The following CTNNA3 variants were observed in gnomAD, a reference collection of about 807,000 sequenced individuals.
The protein encoded by CTNNA3 is catenin alpha-3.
In CTNNA3, 76 loss-of-function variants were observed where a neutral mutation model predicts 95.7. The observed-to-expected ratio is 0.79, with a 90% confidence interval of 0.66 to 0.96. The LOEUF is 0.96. Among genes scored for constraint, CTNNA3 ranks in the 40% least tolerant of loss-of-function variants. The pLI, the probability that CTNNA3 is intolerant of heterozygous loss-of-function variation, is 0.00. For missense variants in CTNNA3, 1,191 were observed against 1,089.8 expected, an observed-to-expected ratio of 1.09 and a Z score of -1.31; for synonymous variants, 431 against 374.4, an observed-to-expected ratio of 1.15 and a Z score of -1.74.
intron 7 of CTNNA3, among the ~76,000 whole-genome samples, chr10:67,062,260 A>T (rs1855801696): frequency 6.6e-6 from 1 of 152,192 alleles, no homozygotes; most frequent in Admixed American, 6.6e-5. Flanking sequence ...TCAAAAGCCC[A>T]TATTCTTTAT....
intron 12 of CTNNA3, among the ~76,000 whole-genome samples, chr10:66,349,926 A>AGTT (rs1367557543): frequency 1.3e-5 from 2 of 152,082 alleles, no homozygotes; most frequent in African/African-American, 4.8e-5. Flanking sequence ...TTGATCCTGC[A>AGTT]GTTTTCTTTA....
chr10:67,164,162 C>T (rs1398305055), intron 7 of CTNNA3, among the ~76,000 whole-genome samples: 2 of 151,808 alleles, frequency 1.3e-5, no homozygotes, highest in African/African-American at 4.8e-5. Flanking sequence ...TAGCTAAAAA[C>T]AACTTTGAAA....
At chr10:66,289,322 C>T (rs1286788478) in intron 12 of CTNNA3, among the ~76,000 whole-genome samples, 1 of 66,178 alleles carries the variant, frequency 1.5e-5, no homozygotes, top group Non-Finnish European at 3.2e-5. Context: ...GGCGTGGTGG[C>T]TCATGCCTGT....
intron 4 of CTNNA3, among the ~76,000 whole-genome samples, chr10:67,523,900 A>G (rs1039106638): frequency 6.6e-6 from 1 of 152,230 alleles, no homozygotes; most frequent in African/African-American, 2.4e-5. Context: ...CTAAGATTCT[A>G]AAAAATTTAA....
At chr10:66,572,576 A>AT (rs1166816565) in intron 10 of CTNNA3, among the ~76,000 whole-genome samples, 12 of 151,946 alleles carry the variant, frequency 7.9e-5, no homozygotes, top group Non-Finnish European at 5.9e-5. Flanking sequence ...AAAAAAAAAA[A>AT]CAAAACATGA....
chr10:66,168,996 C>CATCT (rs1263528533), intron 13 of CTNNA3, among the ~76,000 whole-genome samples: 3 of 152,130 alleles, frequency 2.0e-5, no homozygotes, highest in Non-Finnish European at 4.4e-5. Flanking sequence ...TCCTAACAGT[C>CATCT]ATCTATTCTT....
At chr10:67,419,913 A>G (rs1456255413) in intron 5 of CTNNA3, among the ~76,000 whole-genome samples, 1 of 151,778 alleles carries the variant, frequency 6.6e-6, no homozygotes, top group Non-Finnish European at 1.5e-5. Context: ...GTGCAGTGGC[A>G]CGATCTTGGC....
chr10:67,501,016 G>A (rs1839213159), intron 5 of CTNNA3, among the ~76,000 whole-genome samples: 1 of 152,164 alleles, frequency 6.6e-6, no homozygotes, highest in Non-Finnish European at 1.5e-5. Context: ...TATGATGCTA[G>A]CTGGTTATTT....
At chr10:67,726,943 T>G (rs1416334724) in intron 1 of CTNNA3, among the ~76,000 whole-genome samples, 15 of 116,540 alleles carry the variant, frequency 1.3e-4, no homozygotes, top group Non-Finnish European at 2.2e-4. Context: ...ATATATCATA[T>G]ATATTATATA....
intron 5 of CTNNA3, among the ~76,000 whole-genome samples, chr10:67,472,129 T>A (rs1847851844): frequency 6.6e-6 from 1 of 152,220 alleles, no homozygotes; most frequent in Non-Finnish European, 1.5e-5. Flanking sequence ...TTTCACTGCA[T>A]AGATTCACTC....
chr10:66,482,764 G>A (rs1015671244), intron 11 of CTNNA3, among the ~76,000 whole-genome samples: 6 of 152,114 alleles, frequency 3.9e-5, no homozygotes, highest in Admixed American at 6.5e-5. Context: ...TCAGTCAACT[G>A]AAGAAGAAAT....
At position 67,521,907 on chromosome 10, in the gene CTNNA3, T is replaced by G. The variant is rs1303339384; in HGVS notation, c.514A>C (p.Lys172Gln). 5 of 1,612,958 alleles carry G rather than the reference T, an allele frequency of 3.1e-6. No homozygotes were observed. The highest frequency in any genetic ancestry group is 4.2e-6 in the Non-Finnish European group (5 of 1,179,252). ...KNVANKSDLQ[K>Q]TYQKLGKELE... Reference sequence around the variant, plus strand: ...TCCTTCCCAAGCTTCTGGTAGGTTTTCTGGAGGTCAGATTTGTTGGCAACA... The same window carrying G: ...TCCTTCCCAAGCTTCTGGTAGGTTTGCTGGAGGTCAGATTTGTTGGCAACA... Residue 172 changes from lysine (K) to glutamine (Q), a missense_variant, in exon 5 of 18, where the codon AAA becomes CAA. Transcript: ENST00000433211.
intron 12 of CTNNA3, among the ~76,000 whole-genome samples, chr10:66,324,907 T>TTTTTTTTTTTTTTTTTTTTTTTTTTTTG (rs1401214070): frequency 6.6e-6 from 1 of 151,396 alleles, no homozygotes; most frequent in African/African-American, 2.4e-5. Flanking sequence ...ATCATAATTT[T>TTTTTTTTTTTTTTTTTTTTTTTTTTTTG]ACAACAAAAC....
At chr10:67,615,609 G>A (rs536249742) in intron 2 of CTNNA3, among the ~76,000 whole-genome samples, 1 of 150,272 alleles carries the variant, frequency 6.7e-6, no homozygotes, top group Admixed American at 6.6e-5. Context: ...TGGGGGAACA[G>A]AGAATAAACA....
intron 1 of CTNNA3, among the ~76,000 whole-genome samples, chr10:67,736,208 T>C (rs1841301296): frequency 6.6e-6 from 1 of 152,076 alleles, no homozygotes. Flanking sequence ...ATAAGTATTG[T>C]ATAATTCCAC....
chr10:66,206,124 T>C (rs748817757), intron 13 of CTNNA3, among the ~76,000 whole-genome samples: 3 of 151,920 alleles, frequency 2.0e-5, no homozygotes, highest in Non-Finnish European at 4.4e-5. Context: ...GTCCTTTTAC[T>C]AGGTGTGCTC....
At chr10:67,545,118 C>T (rs1406031801) in intron 3 of CTNNA3, among the ~76,000 whole-genome samples, 1 of 151,904 alleles carries the variant, frequency 6.6e-6, no homozygotes, top group Middle Eastern at 3.2e-3. Flanking sequence ...ACGTGCACAA[C>T]GTGCAGGTTT....
At chr10:66,691,405 G>A (rs536210490) in intron 9 of CTNNA3, among the ~76,000 whole-genome samples, 1 of 152,298 alleles carries the variant, frequency 6.6e-6, no homozygotes, top group Admixed American at 6.5e-5. Context: ...CGAGGCTGGG[G>A]GAGGGGCACC....
intron 5 of CTNNA3, among the ~76,000 whole-genome samples, chr10:67,242,523 G>A (rs909217553): frequency 5.9e-5 from 9 of 152,160 alleles, no homozygotes; most frequent in African/African-American, 1.9e-4. Context: ...TAAATAGGGA[G>A]TGGTGAGGCC....
Sources: gnomAD v4.1 joint callset for allele counts (sites outside exome capture counted in the v4.1 genomes callset) on GRCh38, gnomAD v4.1.1 for gene constraint, MANE v1.5 for transcripts, NCBI Gene and HGNC (gene_info 2026-07-23, HGNC 2026-07-21) for gene names.